PLPP4: variants seen among roughly 807,000 people sequenced by gnomAD.
PLPP4 encodes phospholipid phosphatase 4.
PLPP4 carries 20 observed loss-of-function variants against 32.2 expected under a neutral mutation model. That is an observed-to-expected ratio of 0.62 (90% CI 0.44 to 0.90). The LOEUF (loss-of-function observed/expected upper bound fraction) is 0.90. Ranked by LOEUF, PLPP4 falls within the 40% of genes least tolerant of loss-of-function variation. The probability of loss-of-function intolerance (pLI) is 0.00; values close to 1 mark genes in which losing one functional copy is unlikely to be tolerated. For synonymous variants in PLPP4, 127 were observed against 133.0 expected (o/e 0.95, Z 0.31); for missense variants, 257 against 353.1 (o/e 0.73, Z 2.18).
At chr10:120,580,454 T>A (rs1299796676) in intron 6 of PLPP4, among the ~76,000 whole-genome samples, 7 of 152,182 alleles carry the variant, frequency 4.6e-5, no homozygotes, top group Non-Finnish European at 1.0e-4. Flanking sequence ...CTGTCAGCTG[T>A]CTTGGTTTTA....
At chr10:120,568,491 A>G (rs1848786181) in intron 5 of PLPP4, among the ~76,000 whole-genome samples, 1 of 152,248 alleles carries the variant, frequency 6.6e-6, no homozygotes, top group South Asian at 2.1e-4. Flanking sequence ...TCAGATGAGC[A>G]CACTGGGCAA....
intron 2 of PLPP4, among the ~76,000 whole-genome samples, chr10:120,511,202 C>T (rs996314487): frequency 1.1e-4 from 16 of 152,102 alleles, no homozygotes; most frequent in South Asian, 2.1e-4. Context: ...TGAGGCAGGG[C>T]GCAGTTCTAA....
intron 2 of PLPP4, among the ~76,000 whole-genome samples, chr10:120,512,062 C>A (rs1383826765): frequency 6.6e-6 from 1 of 152,068 alleles, no homozygotes; most frequent in Non-Finnish European, 1.5e-5. Context: ...CCACTGCACT[C>A]CAGCCTGGGT....
chr10:120,528,671 T>G (rs977830355), intron 5 of PLPP4, among the ~76,000 whole-genome samples: 11 of 151,990 alleles, frequency 7.2e-5, no homozygotes, highest in Admixed American at 7.2e-4. Flanking sequence ...AAAGGAAGAC[T>G]CCCCCTAGAT....
intron 1 of PLPP4, among the ~76,000 whole-genome samples, chr10:120,464,709 A>G (rs1247681244): frequency 1.3e-5 from 2 of 152,182 alleles, no homozygotes; most frequent in Admixed American, 6.5e-5. Flanking sequence ...AGAAAATGCT[A>G]TGTTGTGTTC....
intron 6 of PLPP4, among the ~76,000 whole-genome samples, chr10:120,582,811 C>A (rs1351831383): frequency 7.3e-6 from 1 of 136,984 alleles, no homozygotes; most frequent in Non-Finnish European, 1.6e-5. Flanking sequence ...CCCTTCCTTC[C>A]TTCCTTCCTT....
chr10:120,573,988 CTCCA>C (rs1175700169), intron 5 of PLPP4, among the ~76,000 whole-genome samples: 2 of 152,046 alleles, frequency 1.3e-5, no homozygotes, highest in African/African-American at 4.8e-5. Flanking sequence ...TACCTAGGAG[CTCCA>C]TCCCCTCAGA....
At position 120,591,116 on chromosome 10, in the gene PLPP4, G is replaced by A. The variant is rs927533609; in HGVS notation, c.*1614G>A. ...TAGCATAACAGACTGCATTTTGAGA[G>A]ACTCAGGTGGCTGCCTAAATGGTCA... On this transcript the variant is annotated 3_prime_UTR_variant, in exon 7 of 7. Transcript: ENST00000398250. Among the ~76,000 whole-genome samples the A allele has an allele frequency of 1.3e-5, 2 of 152,170 alleles. No homozygotes were observed. Among genetic ancestry groups the A allele is most frequent in the Non-Finnish European group, 2.9e-5 (2 of 68,030 alleles).
At chr10:120,521,127 C>T (rs1444649727) in intron 5 of PLPP4, 32 bp downstream of exon 5, 1 of 1,611,834 alleles carries the variant, frequency 6.2e-7, no homozygotes, top group Non-Finnish European at 8.5e-7. Context: ...TCTTAATGCC[C>T]CCAGTCATGT....
At chr10:120,479,197 G>A (rs942307904) in intron 1 of PLPP4, among the ~76,000 whole-genome samples, 16 of 152,218 alleles carry the variant, frequency 1.1e-4, no homozygotes, top group Admixed American at 2.6e-4. Flanking sequence ...GTGCACTCCA[G>A]CCTGGGCCAC....
intron 6 of PLPP4, 50 bp downstream of exon 6, chr10:120,575,351 C>T (rs1421245888): frequency 6.3e-7 from 1 of 1,575,674 alleles, no homozygotes. Flanking sequence ...TTGCCCCTCT[C>T]CTCCAGGGAT....
At chr10:120,491,493 G>T (rs1303088193) in intron 1 of PLPP4, among the ~76,000 whole-genome samples, 1 of 135,562 alleles carries the variant, frequency 7.4e-6, no homozygotes, top group Non-Finnish European at 1.6e-5. Flanking sequence ...TTCCTATCCT[G>T]CCCTTCCTTT....
chr10:120,575,363 G>A (rs757876375), intron 6 of PLPP4, 62 bp downstream of exon 6: 20 of 1,541,968 alleles, frequency 1.3e-5, no homozygotes, highest in Non-Finnish European at 1.8e-5. Flanking sequence ...TCCAGGGATG[G>A]GTGTAGAAAT....
chr10:120,463,977 TA>T (rs1172470476), intron 1 of PLPP4, among the ~76,000 whole-genome samples: 4 of 152,122 alleles, frequency 2.6e-5, no homozygotes, highest in African/African-American at 7.2e-5. Context: ...CGCAGCCAGC[TA>T]TTTTATTTTT....
intron 6 of PLPP4, among the ~76,000 whole-genome samples, chr10:120,581,569 A>G (rs1037985095): frequency 6.6e-6 from 1 of 152,182 alleles, no homozygotes; most frequent in Non-Finnish European, 1.5e-5. Context: ...TGTTCAAGCT[A>G]CTTGTCCTCC....
At chr10:120,503,689 C>T (rs713088) in intron 1 of PLPP4, 129 bp from the exon 2 acceptor site, 1 of 1,588,342 alleles carries the variant, frequency 6.3e-7, no homozygotes, top group Non-Finnish European at 8.6e-7. Context: ...GACAGCAGGG[C>T]CTGTCTCTTT....
chr10:120,526,480 T>G (rs1224762046), intron 5 of PLPP4, among the ~76,000 whole-genome samples: 1 of 152,190 alleles, frequency 6.6e-6, no homozygotes, highest in Non-Finnish European at 1.5e-5. Context: ...GCCTTTACTT[T>G]GAGGCTGTTT....
intron 5 of PLPP4, among the ~76,000 whole-genome samples, chr10:120,538,223 T>C (rs1274926183): frequency 6.6e-6 from 1 of 150,876 alleles, no homozygotes. Context: ...CTTGCTTCTT[T>C]ATGCCTCCCG....
intron 5 of PLPP4, among the ~76,000 whole-genome samples, chr10:120,527,385 C>G (rs1278334880): frequency 6.6e-6 from 1 of 152,168 alleles, no homozygotes; most frequent in East Asian, 1.9e-4. Flanking sequence ...AATCTTTACT[C>G]TTAAGGCCTT....
Sources: gnomAD v4.1 joint callset for allele counts (sites outside exome capture counted in the v4.1 genomes callset) on GRCh38, gnomAD v4.1.1 for gene constraint, MANE v1.5 for transcripts, NCBI Gene and HGNC (gene_info 2026-07-23, HGNC 2026-07-21) for gene names.